The following MME variants were observed in gnomAD, a reference collection of about 807,000 sequenced individuals.
The protein encoded by MME is membrane metalloendopeptidase.
MME carries 98 observed loss-of-function variants against 113.2 expected under a neutral mutation model. The observed-to-expected ratio is 0.87, with a 90% CI of 0.74 to 1.02. The LOEUF (loss-of-function observed/expected upper bound fraction) is 1.02, where lower values mean the gene tolerates loss of function less well. Among genes scored for constraint, MME ranks in the 50% least tolerant of loss-of-function variants. The pLI, the probability that MME is intolerant of heterozygous loss-of-function variation, is 0.00. For synonymous variants in MME, 292 were observed against 300.6 expected (o/e 0.97, Z 0.30); for missense variants, 836 against 896.0 (o/e 0.93, Z 0.86).
intron 10 of MME, among the ~76,000 whole-genome samples, chr3:155,140,507 C>A (rs543024758): frequency 6.6e-6 from 1 of 150,734 alleles, no homozygotes; most frequent in East Asian, 2.0e-4. Context: ...ACGTCCACCT[C>A]CCAGGCTCAA....
intron 3 of MME, among the ~76,000 whole-genome samples, chr3:155,096,644 C>T (rs1358724346): frequency 6.6e-6 from 1 of 152,180 alleles, no homozygotes; most frequent in African/African-American, 2.4e-5. Context: ...AATTGGGCTA[C>T]TGCACTTATT....
chr3:155,029,067 G>A (rs1427174435), intron 1 of MME, among the ~76,000 whole-genome samples: 2 of 152,064 alleles, frequency 1.3e-5, no homozygotes, highest in Admixed American at 1.3e-4. Context: ...ATTAAACAAA[G>A]TCCTAATAAA....
intron 3 of MME, among the ~76,000 whole-genome samples, chr3:155,107,934 T>G (rs1717828127): frequency 1.3e-5 from 2 of 152,342 alleles, no homozygotes; most frequent in Admixed American, 6.5e-5. Flanking sequence ...AAGAAGGCTG[T>G]GATATGCCTT....
chr3:155,143,678 T>A, intron 13 of MME, 107 bp downstream of exon 13: 1 of 1,336,554 alleles, frequency 7.5e-7, no homozygotes, highest in South Asian at 1.2e-5. Flanking sequence ...TTTTATTAAT[T>A]TAGGCAGAGA....
At chr3:155,176,558 C>G (rs553660386) in intron 22 of MME, among the ~76,000 whole-genome samples, 2 of 152,100 alleles carry the variant, frequency 1.3e-5, no homozygotes, top group Admixed American at 1.3e-4. Context: ...GGCACAGTCA[C>G]TCACACTTGT....
At chr3:155,084,106 T>C in intron 1 of MME, 52 bp from the exon 2 acceptor site, 1 of 1,412,398 alleles carries the variant, frequency 7.1e-7, no homozygotes, top group Non-Finnish European at 1.0e-6. Context: ...CATTTGGACA[T>C]TTTCTTTTTT....
intron 3 of MME, among the ~76,000 whole-genome samples, chr3:155,107,352 CAAAA>C (rs199544238): frequency 2.8e-5 from 2 of 70,482 alleles, no homozygotes; most frequent in Non-Finnish European, 5.5e-5. Flanking sequence ...GACTCTGTCT[CAAAA>C]AAAAAAAAAA....
At chr3:155,095,340 G>A (rs577149408) in intron 3 of MME, among the ~76,000 whole-genome samples, 23 of 152,298 alleles carry the variant, frequency 1.5e-4, no homozygotes, top group Non-Finnish European at 2.9e-4. Context: ...AAGACTTTAA[G>A]TTAGAGAGGA....
rs150098712 is a variant in MME at position 155,136,077 on chromosome 3, T to A, written c.721-2025T>A. Among the ~76,000 whole-genome samples, 544 of 152,322 alleles carry A rather than the reference T, an allele frequency of 3.6e-3. 14 individuals carry two copies. In the South Asian group the frequency reaches 0.059, roughly 16 times the overall value. On this transcript the variant is annotated intron_variant, in intron 8 of 22. Transcript: ENST00000360490. Reference sequence around the variant, plus strand: ...AGGATTTTCTAGGTATAGAATCATATCATTAGTGAAAAGAGAGAGTTTGAC... The same window carrying A: ...AGGATTTTCTAGGTATAGAATCATAACATTAGTGAAAAGAGAGAGTTTGAC...
Position 155,116,753 on chromosome 3 carries a change from AAATATGG to A in MME, c.530_535+1del. 4 of 1,613,306 alleles carry A rather than the reference AAATATGG, an allele frequency of 2.5e-6. No homozygotes were observed. Among genetic ancestry groups the A allele is most frequent in the Non-Finnish European group, 3.4e-6 (4 of 1,179,522 alleles). On this transcript the variant is annotated splice_donor_variant and coding_sequence_variant, in exon 6 of 23. Coordinates refer to ENST00000360490, the MANE Select transcript of MME (RefSeq NM_007289.4). LOFTEE classifies it high-confidence loss of function. ...AGTAGCAACAGAAAACTGGGAGCAA[AAATATGG>A]TAAGGCAATTTTCCTACTAAAAAAG...
intron 8 of MME, among the ~76,000 whole-genome samples, chr3:155,133,071 A>C (rs1190611604): frequency 7.3e-6 from 1 of 136,442 alleles, no homozygotes; most frequent in Non-Finnish European, 1.6e-5. Flanking sequence ...AAATATATAT[A>C]TATATATATG....
intron 8 of MME, among the ~76,000 whole-genome samples, chr3:155,135,390 G>T (rs889351198): frequency 1.3e-5 from 2 of 152,136 alleles, no homozygotes; most frequent in Admixed American, 1.3e-4. Flanking sequence ...TTTGAATAGG[G>T]AGTCCTTTCC....
chr3:155,117,113 T>A, intron 7 of MME, 127 bp downstream of exon 7: 1 of 701,498 alleles, frequency 1.4e-6, no homozygotes, highest in South Asian at 1.6e-5. Flanking sequence ...GGAGGTAGTA[T>A]ATCCATGCTC....
intron 8 of MME, among the ~76,000 whole-genome samples, chr3:155,132,734 G>A (rs1720234466): frequency 6.6e-6 from 1 of 151,696 alleles, no homozygotes. Flanking sequence ...AAAGTATCCT[G>A]GCCAATCTAC....
chr3:155,093,482 G>C (rs1296147006), intron 3 of MME, among the ~76,000 whole-genome samples: 1 of 152,152 alleles, frequency 6.6e-6, no homozygotes, highest in Non-Finnish European at 1.5e-5. Context: ...AGAGCAGTTA[G>C]CAGTTCCTGC....
chr3:155,075,861 C>G (rs996402250), upstream of MME, among the ~76,000 whole-genome samples: 7 of 152,148 alleles, frequency 4.6e-5, no homozygotes, highest in Admixed American at 3.3e-4. Context: ...ATTAAACTCT[C>G]CCAGCTTACA....
At chr3:155,140,388 G>T (rs1720978885) in intron 10 of MME, 96 bp downstream of exon 10, 103 of 528,618 alleles carry the variant, frequency 1.9e-4, no homozygotes, top group East Asian at 5.2e-4. Flanking sequence ...TTTATTTATT[G>T]AAGTAAATGG....
intron 16 of MME, among the ~76,000 whole-genome samples, chr3:155,160,165 CAAATA>C (rs1384585364): frequency 6.6e-6 from 1 of 151,958 alleles, no homozygotes; most frequent in African/African-American, 2.4e-5. Context: ...AAAATCCATG[CAAATA>C]AAATAAAAGA....
chr3:155,064,547 A>G (rs1243260583), intron 1 of MME, among the ~76,000 whole-genome samples: 1 of 152,192 alleles, frequency 6.6e-6, no homozygotes, highest in Non-Finnish European at 1.5e-5. Flanking sequence ...TATGTTATTT[A>G]TTAAACTGCA....
Sources: allele counts gnomAD v4.1 joint callset (sites outside exome capture counted in the v4.1 genomes callset), GRCh38; gene constraint gnomAD v4.1.1; transcripts MANE v1.5; gene names NCBI Gene and HGNC (gene_info 2026-07-23, HGNC 2026-07-21).